GDF7: variants seen among roughly 807,000 people sequenced by gnomAD.
The protein encoded by GDF7 is growth differentiation factor 7.
GDF7 carries 12 observed loss-of-function variants against 13.4 expected under a neutral mutation model. The observed-to-expected ratio is 0.90, with a 90% CI of 0.57 to 1.45. The LOEUF (loss-of-function observed/expected upper bound fraction) is 1.45, where lower values mean the gene tolerates loss of function less well. Among genes scored for constraint, GDF7 ranks in the 40% most tolerant of loss-of-function variants. The pLI is 0.00. For synonymous variants in GDF7, 330 were observed against 306.4 expected, an observed-to-expected ratio of 1.08 and a Z score of -0.80; for missense variants, 651 against 652.4, an observed-to-expected ratio of 1.00 and a Z score of 0.02.
chr2:20,674,209 C>A lies in GDF7; in HGVS notation c.*2784C>A, dbSNP rs1384873237. 4.6e-5 allele frequency: 7 copies of A among 152,208 alleles called. No individual in the cohort carries two copies. Among genetic ancestry groups the A allele is most frequent in the African/African-American group, 9.7e-5 (4 of 41,448 alleles). 9.4% of individuals were successfully genotyped at this position (152,208 alleles called of 1,614,324 possible). A position where few individuals can be genotyped will look rare whatever the true frequency, so the allele number is the denominator to read the frequency against. On this transcript the variant is annotated 3_prime_UTR_variant, in exon 2 of 2. Transcript: ENST00000272224. ...AACCCAGCTTCTCTGTTGCAACCCC[C>A]AGCTGGAATCTCCAGTCACCATGGA... is the stretch of plus-strand genomic sequence containing the variant.
Position 20,667,201 on chromosome 2 carries a change from C to T in GDF7, c.-39C>T. 8.7e-7 allele frequency: 1 copy of T among 1,143,440 alleles called. No homozygotes were observed. The highest frequency in any genetic ancestry group is 1.1e-6 in the Non-Finnish European group (1 of 931,828). The allele number at this position is 1,143,440 out of a possible 1,614,324, so 70.8% of individuals were successfully genotyped here. A position where few individuals can be genotyped will look rare whatever the true frequency, so the allele number is the denominator to read the frequency against. On this transcript the variant is annotated 5_prime_UTR_variant, in exon 1 of 2. It adds an upstream start codon to the 5' untranslated region. Transcript: ENST00000272224. This position sits in a 1 kb window ranked among gnomAD's most constrained non-coding sequence, Gnocchi z 6.4. ...GGCGCCGGGGGACTTCCCGGAGCCA[C>T]GGAGCCCGCGCCGCCCGCCCGCCCG...
intron 1 of GDF7, among the ~76,000 whole-genome samples, chr2:20,668,406 A>C (rs1277602616): frequency 6.6e-6 from 1 of 152,222 alleles, no homozygotes; most frequent in Non-Finnish European, 1.5e-5. Context: ...TCCAAAGGTA[A>C]GATGTAGGTG....
Position 20,671,352 on chromosome 2 carries a change from A to T in GDF7, c.1280A>T (p.Tyr427Phe). ...PARLSPISILYIDAANNVVYK... is the reference protein window; with the variant it reads ...PARLSPISILFIDAANNVVYK... ...CGCCTCAGCCCCATCAGCATCCTCT[A>T]CATCGACGCCGCCAACAACGTTGTC... The change falls in exon 2 of 2, where the codon TAC (tyrosine) becomes TTC (phenylalanine). Residue 427 changes from tyrosine to phenylalanine, a missense_variant. Coordinates refer to ENST00000272224, the MANE Select transcript of GDF7 (RefSeq NM_182828.4). The T allele has an allele frequency of 6.2e-7, 1 of 1,613,012 alleles. No individual in the cohort carries two copies.
chr2:20,667,464 C>T lies in GDF7; in HGVS notation c.225C>T (p.Arg75=), dbSNP rs1326250296. The T allele has an allele frequency of 2.3e-5, 28 of 1,219,212 alleles. No homozygotes were observed. Among genetic ancestry groups the T allele is most frequent in the Non-Finnish European group, 2.7e-5 (26 of 978,014 alleles). The allele number at this position is 1,219,212 out of a possible 1,614,324, so 75.5% of individuals were successfully genotyped here. A position where few individuals can be genotyped will look rare whatever the true frequency, so the allele number is the denominator to read the frequency against. The change falls in exon 1 of 2, where the codon CGC becomes CGT. Residue 75 remains arginine (R), a synonymous_variant. Coordinates refer to ENST00000272224, the MANE Select transcript of GDF7 (RefSeq NM_182828.4). The surrounding 1 kb of genome is among the most constrained non-coding windows in gnomAD (Gnocchi z 6.4). ...TTCCCCGGGCCCGCGCCGCGCGCCG[C>T]GCCGCGGGCTCCGGCTTCAGGAACG... is the stretch of plus-strand genomic sequence containing the variant. ...AAVPRARAAR[R]AAGSGFRNGS... is the part of the protein sequence containing the mutation.
rs1195314194 is a variant in GDF7, at chr2:20,673,942, A to C, written c.*2517A>C. ...GGAGCAGGTGAAGCCCCCAGGGGCC[A>C]CTCTGCCCAGCCCTCTGGCATCTCA... On this transcript the variant is annotated 3_prime_UTR_variant, in exon 2 of 2. Transcript: ENST00000272224. 6.6e-6 allele frequency: 1 copy of C among 152,128 alleles called. No homozygotes were observed. The highest frequency in any genetic ancestry group is 1.5e-5 in the Non-Finnish European group (1 of 68,030). 9.4% of individuals were successfully genotyped at this position (152,128 alleles called of 1,614,324 possible).
rs1191468054 is a variant in GDF7, at chr2:20,672,326, G to C, written c.*901G>C. On this transcript the variant is annotated 3_prime_UTR_variant, in exon 2 of 2. Transcript: ENST00000272224. Reference sequence around the variant, plus strand: ...GGCTCAGGAGGAAGTTAGTGCAATGGCCCGGAATGGGGAAGGTGGGGCTGG... The same window carrying C: ...GGCTCAGGAGGAAGTTAGTGCAATGCCCCGGAATGGGGAAGGTGGGGCTGG... The C allele has an allele frequency of 6.6e-6, 1 of 152,218 alleles. No individual in the cohort carries two copies. Among genetic ancestry groups the C allele is most frequent in the East Asian group, 1.9e-4 (1 of 5,198 alleles). 9.4% of individuals were successfully genotyped at this position (152,218 alleles called of 1,614,324 possible).
rs573087728 is a variant in GDF7 at position 20,671,679 on chromosome 2, G to C, written c.*254G>C. Reference sequence around the variant, plus strand: ...CAAAGCCCTGTGTATTTTGCAAACAGATAACCATGGCGCCCACTGCCCCCA... The same window carrying C: ...CAAAGCCCTGTGTATTTTGCAAACACATAACCATGGCGCCCACTGCCCCCA... On this transcript the variant is annotated 3_prime_UTR_variant, in exon 2 of 2. Coordinates refer to ENST00000272224, the MANE Select transcript of GDF7 (RefSeq NM_182828.4). 1.0e-5 allele frequency: 5 copies of C among 501,384 alleles called. No homozygotes were observed. The highest frequency in any genetic ancestry group is 5.4e-4 in the Middle Eastern group (1 of 1,844). The allele number at this position is 501,384 out of a possible 1,614,324, so 31.1% of individuals were successfully genotyped here. A position where few individuals can be genotyped will look rare whatever the true frequency, so the allele number is the denominator to read the frequency against.
At position 20,676,447 on chromosome 2, in the gene GDF7, G is replaced by A. The variant is rs1193833478; in HGVS notation, c.*5022G>A. On this transcript the variant is annotated 3_prime_UTR_variant, in exon 2 of 2. Coordinates refer to ENST00000272224, the MANE Select transcript of GDF7 (RefSeq NM_182828.4). ...TGCTGTTCTGGACTTTAATCTGTGTGCACAGCTTAGTGCGTCACAAATAGT... is the reference window on the plus strand; with the variant it reads ...TGCTGTTCTGGACTTTAATCTGTGTACACAGCTTAGTGCGTCACAAATAGT... 1 of 152,244 alleles carries A rather than the reference G, an allele frequency of 6.6e-6. No homozygotes were observed. Among genetic ancestry groups the A allele is most frequent in the East Asian group, 1.9e-4 (1 of 5,194 alleles). 9.4% of individuals were successfully genotyped at this position (152,244 alleles called of 1,614,324 possible).
chr2:20,667,221 C>A lies in GDF7; in HGVS notation c.-19C>A. 2 of 1,176,032 alleles carry A rather than the reference C, an allele frequency of 1.7e-6. No individual in the cohort carries two copies. The highest frequency in any genetic ancestry group is 2.1e-6 in the Non-Finnish European group (2 of 953,318). 72.8% of individuals were successfully genotyped at this position (1,176,032 alleles called of 1,614,324 possible). A position where few individuals can be genotyped will look rare whatever the true frequency, so the allele number is the denominator to read the frequency against. On this transcript the variant is annotated 5_prime_UTR_variant, in exon 1 of 2. Transcript: ENST00000272224. The surrounding 1 kb of genome is among the most constrained non-coding windows in gnomAD (Gnocchi z 6.4). The stretch of plus-strand genomic sequence containing the variant: ...AGCCACGGAGCCCGCGCCGCCCGCC[C>A]GCCCGGCCCACGGAGCCCATGGACC...
At chr2:20,670,441 C>G in intron 1 of GDF7, 23 bp from the exon 2 acceptor site, 1 of 1,501,014 alleles carries the variant, frequency 6.7e-7, no homozygotes, top group South Asian at 1.3e-5. Context: ...CTCTTTCTCT[C>G]TGTCCCTGCC....
chr2:20,670,318 A>G, intron 1 of GDF7, 146 bp from the exon 2 acceptor site: 1 of 859,684 alleles, frequency 1.2e-6, no homozygotes, highest in Non-Finnish European at 1.7e-6. Flanking sequence ...TGGGGCAGAG[A>G]CGCGGAGTCG....
At position 20,679,076 on chromosome 2, in the gene GDF7, T is replaced by C. The variant is rs978704272; in HGVS notation, c.*7651T>C. 6.6e-6 allele frequency: 1 copy of C among 152,206 alleles called. No homozygotes were observed. The highest frequency in any genetic ancestry group is 2.4e-5 in the African/African-American group (1 of 41,442). 9.4% of individuals were successfully genotyped at this position (152,206 alleles called of 1,614,324 possible). On this transcript the variant is annotated 3_prime_UTR_variant, in exon 2 of 2. Coordinates refer to ENST00000272224, the MANE Select transcript of GDF7 (RefSeq NM_182828.4). The stretch of plus-strand genomic sequence containing the variant: ...ACCTATGTGTATATATATTCTCAAA[T>C]TTAAATAGATTGTACATAGTGAAAT...
Position 20,670,604 on chromosome 2 carries a change from C to A in GDF7, c.532C>A (p.Pro178Thr). 6.3e-7 allele frequency: 1 copy of A among 1,593,052 alleles called. No homozygotes were observed. Among genetic ancestry groups the A allele is most frequent in the Non-Finnish European group, 8.5e-7 (1 of 1,171,970 alleles). ...ESGPGSWTSP[P>T]LLLLSTCPGA... ...GGGCCCAGGCAGCTGGACTTCTCCG[C>A]CGTTGCTGCTGCTGTCCACGTGCCC... Residue 178 changes from proline (P) to threonine (T), a missense_variant, in exon 2 of 2, where the codon CCG (proline) becomes ACG (threonine). Coordinates refer to ENST00000272224, the MANE Select transcript of GDF7 (RefSeq NM_182828.4).
rs770466340 is a variant in GDF7, at chr2:20,671,442, G to A, written c.*17G>A. Reference sequence around the variant, plus strand: ...TGCAGGTAGCGCGAGGGCCGGGGAGGGGGCAGCCACGCGGCCGAGGATCCC... The same window carrying A: ...TGCAGGTAGCGCGAGGGCCGGGGAGAGGGCAGCCACGCGGCCGAGGATCCC... On this transcript the variant is annotated 3_prime_UTR_variant, in exon 2 of 2. Transcript: ENST00000272224. 3.7e-6 allele frequency: 6 copies of A among 1,604,898 alleles called. No individual in the cohort carries two copies. In the South Asian group the frequency reaches 6.7e-5, roughly 18 times the overall value.
At chr2:20,669,016 G>A (rs778099839) in intron 1 of GDF7, among the ~76,000 whole-genome samples, 5 of 152,222 alleles carry the variant, frequency 3.3e-5, no homozygotes, top group Non-Finnish European at 7.3e-5. Flanking sequence ...GTCTCAGACA[G>A]GAGATAAATC....
At position 20,667,362 on chromosome 2, in the gene GDF7, GGGCGGCGGCGGCGGCGGCGGC is replaced by G. The variant is rs563301908; in HGVS notation, c.129_149del (p.Gly44_Gly50del). On this transcript the variant is annotated inframe_deletion, in exon 1 of 2. Coordinates refer to ENST00000272224, the MANE Select transcript of GDF7 (RefSeq NM_182828.4). This position sits in a 1 kb window ranked among gnomAD's most constrained non-coding sequence, Gnocchi z 6.4. ...GGGCTGGGCCGGTCCGGAGCCCAGG[GGGCGGCGGCGGCGGCGGCGGC>G]GGCGGGCGGACTCTTGCCCAGGCTG... 1.4e-6 allele frequency: 1 copy of G among 714,356 alleles called. No individual in the cohort carries two copies. The highest frequency in any genetic ancestry group is 2.0e-5 in the African/African-American group (1 of 50,800). 44.3% of individuals were successfully genotyped at this position (714,356 alleles called of 1,614,324 possible). A position where few individuals can be genotyped will look rare whatever the true frequency, so the allele number is the denominator to read the frequency against.
In GDF7 at chr2:20,667,583, A is replaced by C; in HGVS notation, c.344A>C (p.His115Pro). Residue 115 changes from histidine (H) to proline (P), a missense_variant, in exon 1 of 2, where the codon CAT becomes CCT. Around this residue, in one of 4 missense-constraint regions of GDF7, gnomAD observed 487 missense variants for 445.9 expected, o/e 1.09. Coordinates refer to ENST00000272224, the MANE Select transcript of GDF7 (RefSeq NM_182828.4). The surrounding 1 kb of genome is among the most constrained non-coding windows in gnomAD (Gnocchi z 6.4). ...GCAGCCGCTGTCTCCGCCTCGGGCC[A>C]TGGTCGCGCGGACACGATCACCGGC... ...AGAAAVSASGHGRADTITGFT... is the reference protein window; with the variant it reads ...AGAAAVSASGPGRADTITGFT... The C allele has an allele frequency of 6.6e-7, 1 of 1,515,962 alleles. No homozygotes were observed. The highest frequency in any genetic ancestry group is 8.8e-7 in the Non-Finnish European group (1 of 1,139,472). The allele number at this position is 1,515,962 out of a possible 1,614,324, so 93.9% of individuals were successfully genotyped here. A position where few individuals can be genotyped will look rare whatever the true frequency, so the allele number is the denominator to read the frequency against.
Position 20,673,436 on chromosome 2 carries a change from C to T in GDF7, c.*2011C>T, listed in dbSNP as rs1572381396. The T allele has an allele frequency of 6.6e-6, 1 of 151,880 alleles. No individual in the cohort carries two copies. The highest frequency in any genetic ancestry group is 1.9e-4 in the East Asian group (1 of 5,178). The allele number at this position is 151,880 out of a possible 1,614,324, so 9.4% of individuals were successfully genotyped here. A position where few individuals can be genotyped will look rare whatever the true frequency, so the allele number is the denominator to read the frequency against. ...AATTTGTGGATTTTGCCAGAGATGCCTCACTCTCGTTTTTAAAATGAAGCT... is the reference window on the plus strand; with the variant it reads ...AATTTGTGGATTTTGCCAGAGATGCTTCACTCTCGTTTTTAAAATGAAGCT... On this transcript the variant is annotated 3_prime_UTR_variant, in exon 2 of 2. Transcript: ENST00000272224.
At position 20,671,658 on chromosome 2, in the gene GDF7, G is replaced by A; in HGVS notation, c.*233G>A. 1.8e-6 allele frequency: 1 copy of A among 548,610 alleles called. No individual in the cohort carries two copies. The highest frequency in any genetic ancestry group is 3.3e-6 in the Non-Finnish European group (1 of 306,090). The allele number at this position is 548,610 out of a possible 1,614,324, so 34.0% of individuals were successfully genotyped here. A position where few individuals can be genotyped will look rare whatever the true frequency, so the allele number is the denominator to read the frequency against. On this transcript the variant is annotated 3_prime_UTR_variant, in exon 2 of 2. Transcript: ENST00000272224. ...TGACCTGCCGGTACCGAATGTCAAAGCCCTGTGTATTTTGCAAACAGATAA... is the reference window on the plus strand; with the variant it reads ...TGACCTGCCGGTACCGAATGTCAAAACCCTGTGTATTTTGCAAACAGATAA...
Sources: gnomAD v4.1 joint callset for allele counts (sites outside exome capture counted in the v4.1 genomes callset) on GRCh38, gnomAD v4.1.1 for gene constraint, gnomAD v4.1.1 regional missense constraint, Gnocchi (gnomAD v3.1) non-coding constraint, MANE v1.5 for transcripts, NCBI Gene and HGNC (gene_info 2026-07-23, HGNC 2026-07-21) for gene names.